The following FANCB variants were observed in gnomAD, a reference collection of about 807,000 sequenced individuals.
FANCB encodes the protein FA complementation group B, also known as Fanconi anemia group B protein.
A neutral mutation model predicts 38.9 loss-of-function variants in FANCB; 5 were observed. The observed-to-expected ratio is 0.13, with a 90% CI of 0.07 to 0.27. The LOEUF (loss-of-function observed/expected upper bound fraction) is 0.27. Ranked by LOEUF, FANCB falls within the 10% of genes least tolerant of loss-of-function variation. The pLI is 1.00. For synonymous variants in FANCB, 236 were observed against 215.4 expected (o/e 1.10, Z -0.84); for missense variants, 573 against 602.7 (o/e 0.95, Z 0.52).
intron 2 of FANCB, among the ~76,000 whole-genome samples, chrX:14,868,430 G>A (rs1357490583): frequency 2.7e-5 from 3 of 111,958 alleles, no homozygotes; most frequent in African/African-American, 9.7e-5. Flanking sequence ...AACAACATGG[G>A]TGGACTTGGA....
At chrX:14,713,199 T>C in the FANCB span, among the ~76,000 whole-genome samples, 7 of 112,251 alleles carry the variant, frequency 6.2e-5, no homozygotes, top group East Asian at 2.0e-3. Flanking sequence ...GATGCTGTTA[T>C]TATTGTTTTG....
the FANCB span, among the ~76,000 whole-genome samples, chrX:14,739,341 A>G: frequency 8.9e-6 from 1 of 111,844 alleles, no homozygotes; most frequent in Admixed American, 9.5e-5. Flanking sequence ...CAACAGATAA[A>G]CAGAAGCTCC....
At position 14,866,818 on chromosome X, in the gene FANCB, A is replaced by G. The variant is rs1380672447; in HGVS notation, c.-70-1238T>C. ...AACTGTCCTTGTTTGCAGATGCCAT[A>G]ATCTTATACTGAGAAAACCCTAAAG... is the stretch of plus-strand genomic sequence containing the variant. On this transcript the variant is annotated intron_variant, in intron 2 of 9. Transcript: ENST00000650831. 2.7e-5 allele frequency among the ~76,000 whole-genome samples: 3 copies of G among 111,756 alleles called. No homozygotes were observed. The East Asian group carries it at 8.3e-4, about 31-fold the overall frequency.
At chrX:14,822,859 C>T in the FANCB span, among the ~76,000 whole-genome samples, 1 of 111,015 alleles carries the variant, frequency 9.0e-6, no homozygotes, top group Non-Finnish European at 1.9e-5. Flanking sequence ...ATGTTCGTTG[C>T]TCTTTTTACC....
chrX:14,818,627 C>A, the FANCB span, among the ~76,000 whole-genome samples: 1 of 110,975 alleles, frequency 9.0e-6, no homozygotes. Flanking sequence ...AGGGCACTAT[C>A]TGGTAGAAAT....
the FANCB span, among the ~76,000 whole-genome samples, chrX:14,714,305 G>A: frequency 9.0e-6 from 1 of 111,159 alleles, no homozygotes; most frequent in African/African-American, 3.3e-5. Flanking sequence ...TTCAGGGGCG[G>A]GGTGCTACTG....
the FANCB span, among the ~76,000 whole-genome samples, chrX:14,728,171 G>A: frequency 1.8e-4 from 20 of 110,927 alleles, no homozygotes; most frequent in African/African-American, 6.6e-4. Context: ...GGAAAATCAC[G>A]TGAGCCCAGG....
At chrX:14,865,761 C>T (rs921114804) in intron 2 of FANCB, among the ~76,000 whole-genome samples, 181 bp from the exon 3 acceptor site, 8 of 111,751 alleles carry the variant, frequency 7.2e-5, no homozygotes, top group Admixed American at 9.5e-5. Flanking sequence ...TTTCTGTAGA[C>T]GCTTTAAAAA....
At chrX:14,691,649 C>A in the FANCB span, among the ~76,000 whole-genome samples, 1 of 111,503 alleles carries the variant, frequency 9.0e-6, no homozygotes, top group African/African-American at 3.3e-5. Context: ...GGAGGGGCAC[C>A]AGCCTCTGTA....
At chrX:14,773,716 A>C in the FANCB span, among the ~76,000 whole-genome samples, 4 of 112,049 alleles carry the variant, frequency 3.6e-5, no homozygotes, top group East Asian at 1.1e-3. Context: ...AAACAGCAAG[A>C]GTGGGACTCT....
chrX:14,745,594 T>C, the FANCB span, among the ~76,000 whole-genome samples: 3 of 109,113 alleles, frequency 2.7e-5, no homozygotes, highest in Admixed American at 9.9e-5. Flanking sequence ...CCCTCCTTGG[T>C]TGGACAAACA....
chrX:14,841,965 G>GT (rs1027275430), downstream of FANCB, among the ~76,000 whole-genome samples: 44 of 107,121 alleles, frequency 4.1e-4, no homozygotes, highest in African/African-American at 1.0e-3. Flanking sequence ...ATCCTGTTTA[G>GT]TTTTTTTTTT....
chrX:14,709,698 T>A, the FANCB span, among the ~76,000 whole-genome samples: 2 of 111,972 alleles, frequency 1.8e-5, no homozygotes, highest in Admixed American at 1.9e-4. Flanking sequence ...GCATAGACTG[T>A]GTTTCTGGTT....
the FANCB span, among the ~76,000 whole-genome samples, chrX:14,800,628 T>G: frequency 8.9e-6 from 1 of 112,024 alleles, no homozygotes; most frequent in Non-Finnish European, 1.9e-5. Flanking sequence ...AAACACATAT[T>G]GACTAGCTGA....
Position 14,843,778 on chromosome X carries a change from A to G in FANCB, c.2369T>C (p.Val790Ala). The change falls in exon 10 of 10, where the codon GTG (valine) becomes GCG (alanine). Residue 790 changes from valine to alanine, a missense_variant. Physicochemically the swap from Val to Ala is moderately conservative, Grantham distance 64 (BLOSUM62 0). Coordinates refer to ENST00000650831, the MANE Select transcript of FANCB (RefSeq NM_001018113.3). ...GACGACACTACTCTTTCCTTTGCTCACTTCACACCTCTGCATAAAATTGCT... is the reference window on the plus strand; with the variant it reads ...GACGACACTACTCTTTCCTTTGCTCGCTTCACACCTCTGCATAAAATTGCT... ...HESNFMQRCE[V>A]SKGKSSVVAA... The G allele has an allele frequency of 1.7e-6, 2 of 1,211,036 alleles. No individual in the cohort carries two copies. Among genetic ancestry groups the G allele is most frequent in the Non-Finnish European group, 2.2e-6 (2 of 895,092 alleles).
At chrX:14,807,795 TA>T in the FANCB span, among the ~76,000 whole-genome samples, 1 of 111,041 alleles carries the variant, frequency 9.0e-6, no homozygotes, top group Non-Finnish European at 1.9e-5. Flanking sequence ...TTTGAAAAGT[TA>T]AATAAAATTG....
At chrX:14,700,532 T>C in the FANCB span, among the ~76,000 whole-genome samples, 3 of 111,633 alleles carry the variant, frequency 2.7e-5, no homozygotes, top group African/African-American at 9.8e-5. Flanking sequence ...AGAAAATTCA[T>C]AGTATCTAAA....
At chrX:14,813,013 A>G in the FANCB span, among the ~76,000 whole-genome samples, 1 of 97,518 alleles carries the variant, frequency 1.0e-5, no homozygotes, top group Non-Finnish European at 2.0e-5. Flanking sequence ...GGTTCAATAT[A>G]CGCAAATCAA....
the FANCB span, among the ~76,000 whole-genome samples, chrX:14,817,798 A>G: frequency 9.0e-6 from 1 of 111,541 alleles, no homozygotes; most frequent in Non-Finnish European, 1.9e-5. Context: ...TTTGCAATGC[A>G]CTTTAGGGAT....
Sources: gnomAD v4.1 joint callset for allele counts (sites outside exome capture counted in the v4.1 genomes callset) on GRCh38, gnomAD v4.1.1 for gene constraint, MANE v1.5 for transcripts, NCBI Gene and HGNC (gene_info 2026-07-23, HGNC 2026-07-21) for gene names.